TPO: variants seen among roughly 807,000 people sequenced by gnomAD.
TPO encodes thyroid peroxidase, also known as thyroid microsomal antigen.
Under a neutral mutation model 96.9 loss-of-function variants are expected in TPO, and 78 were observed. The ratio of observed to expected loss-of-function variants is 0.81; its 90% CI spans 0.67 to 0.97. The LOEUF is 0.97. Among genes scored for constraint, TPO ranks in the 50% least tolerant of loss-of-function variants. The pLI, the probability that TPO is intolerant of heterozygous loss-of-function variation, is 0.00. For missense variants in TPO, 1,252 were observed against 1,274.8 expected, an observed-to-expected ratio of 0.98 and a Z score of 0.27; for synonymous variants, 547 against 538.0, an observed-to-expected ratio of 1.02 and a Z score of -0.23.
chr2:1,525,408 T>C (rs1228726312), intron 15 of TPO, among the ~76,000 whole-genome samples: 14 of 70,972 alleles, frequency 2.0e-4, no homozygotes, highest in Non-Finnish European at 2.4e-4. Context: ...TGCAACTTCC[T>C]CAAATCCCCC....
chr2:1,485,503 C>T (rs1671073776), intron 9 of TPO, among the ~76,000 whole-genome samples: 2 of 151,956 alleles, frequency 1.3e-5, no homozygotes, highest in South Asian at 4.1e-4. Context: ...AATGGTTGAA[C>T]TACTTTACAG....
intron 7 of TPO, among the ~76,000 whole-genome samples, chr2:1,474,827 C>T (rs1201957725): frequency 6.6e-6 from 1 of 152,232 alleles, no homozygotes; most frequent in Non-Finnish European, 1.5e-5. Context: ...GTTTTCCACA[C>T]TGGGTTGTGA....
chr2:1,446,433 G>A (rs1253379923), intron 5 of TPO, among the ~76,000 whole-genome samples: 1 of 152,172 alleles, frequency 6.6e-6, no homozygotes, highest in Non-Finnish European at 1.5e-5. Flanking sequence ...CAGGAGCAAA[G>A]TGTAAGAGCC....
At chr2:1,452,941 T>C (rs1209491869) in intron 5 of TPO, among the ~76,000 whole-genome samples, 1 of 152,228 alleles carries the variant, frequency 6.6e-6, no homozygotes, top group East Asian at 1.9e-4. Context: ...TACCTTATCA[T>C]GCACTTCAAA....
chr2:1,399,113 T>G (rs1007013959), intron 1 of TPO, among the ~76,000 whole-genome samples: 1 of 152,220 alleles, frequency 6.6e-6, no homozygotes, highest in African/African-American at 2.4e-5. Context: ...CAGTTGTTTC[T>G]GCAGGACAGG....
chr2:1,542,607 C>G lies in TPO; in HGVS notation c.*133C>G. The G allele has an allele frequency of 6.4e-7, 1 of 1,554,482 alleles. No individual in the cohort carries two copies. The highest frequency in any genetic ancestry group is 2.4e-5 in the East Asian group (1 of 41,224). On this transcript the variant is annotated 3_prime_UTR_variant, in exon 17 of 17. Coordinates refer to ENST00000329066, the MANE Select transcript of TPO (RefSeq NM_001206744.2). ...AACACGGGTAAATCTAGTACCATGT[C>G]GTAGTTACTCTCAGGCATGGATGAA...
At chr2:1,376,013 C>G (rs150255114) in intron 1 of TPO, among the ~76,000 whole-genome samples, 1,641 of 152,338 alleles carry the variant, frequency 0.011, 13 homozygotes, top group South Asian at 0.019. Flanking sequence ...TGCAGCCCAG[C>G]TGCTGCAGGC....
chr2:1,493,000 G>C (rs1021180341), intron 10 of TPO, among the ~76,000 whole-genome samples: 1 of 152,144 alleles, frequency 6.6e-6, no homozygotes, highest in Non-Finnish European at 1.5e-5. Context: ...AGGGGCACGA[G>C]TGTCAGGCAA....
chr2:1,537,352 G>A (rs1158238614), intron 15 of TPO, among the ~76,000 whole-genome samples: 42 of 96,002 alleles, frequency 4.4e-4, no homozygotes, highest in Admixed American at 2.0e-3. Flanking sequence ...CACTCTGTTC[G>A]ACCTCCGCCT....
At chr2:1,421,433 C>T (rs1042175851) in intron 2 of TPO, among the ~76,000 whole-genome samples, 4 of 151,774 alleles carry the variant, frequency 2.6e-5, no homozygotes, top group South Asian at 2.1e-4. Flanking sequence ...AGTGAGCTGC[C>T]GCGTCACTCG....
intron 1 of TPO, among the ~76,000 whole-genome samples, chr2:1,403,959 G>T (rs143163181): frequency 1.3e-4 from 20 of 152,342 alleles, no homozygotes; most frequent in African/African-American, 4.3e-4. Context: ...GTCTGTTACT[G>T]CATTAACCAG....
intron 8 of TPO, chr2:1,477,931 C>A: frequency 1.0e-6 from 1 of 985,388 alleles, no homozygotes; most frequent in Non-Finnish European, 1.2e-6. Flanking sequence ...ACAACCACAG[C>A]CCCACAACAG....
At chr2:1,438,982 G>T in intron 5 of TPO, 1 of 620,330 alleles carries the variant, frequency 1.6e-6, no homozygotes, top group East Asian at 2.8e-5. Context: ...CTGCAGTAGA[G>T]CCTGAACCTT....
At chr2:1,461,953 C>T (rs1418074710) in intron 7 of TPO, among the ~76,000 whole-genome samples, 1 of 152,188 alleles carries the variant, frequency 6.6e-6, no homozygotes, top group Non-Finnish European at 1.5e-5. Flanking sequence ...TTCGGGGCTC[C>T]CTACTGGATC....
intron 1 of TPO, among the ~76,000 whole-genome samples, chr2:1,400,359 G>A (rs1662147868): frequency 2.0e-5 from 3 of 152,096 alleles, no homozygotes; most frequent in Admixed American, 2.0e-4. Context: ...TGGGCGTTCT[G>A]GCATGTGCCT....
chr2:1,420,395 G>A (rs1367645459), intron 2 of TPO, among the ~76,000 whole-genome samples: 3 of 152,174 alleles, frequency 2.0e-5, no homozygotes, highest in African/African-American at 7.2e-5. Flanking sequence ...ACTTTGCAGA[G>A]CCCTGAAGAG....
At chr2:1,399,257 A>T (rs557759213) in intron 1 of TPO, among the ~76,000 whole-genome samples, 2 of 152,214 alleles carry the variant, frequency 1.3e-5, no homozygotes, top group African/African-American at 2.4e-5. Context: ...GGGCATCATC[A>T]CCAGATTGCA....
intron 7 of TPO, among the ~76,000 whole-genome samples, chr2:1,475,581 G>A (rs762961528): frequency 5.9e-5 from 9 of 151,984 alleles, no homozygotes; most frequent in Non-Finnish European, 8.8e-5. Context: ...CCGCCACCGC[G>A]CCCGGCTAAT....
chr2:1,492,279 C>T (rs1445782507), intron 10 of TPO, among the ~76,000 whole-genome samples: 5 of 152,138 alleles, frequency 3.3e-5, no homozygotes, highest in African/African-American at 1.2e-4. Context: ...CCCAGCCTCC[C>T]GAGTAGCTGG....
Sources: gnomAD v4.1 joint callset for allele counts (sites outside exome capture counted in the v4.1 genomes callset) on GRCh38, gnomAD v4.1.1 for gene constraint, MANE v1.5 for transcripts, NCBI Gene and HGNC (gene_info 2026-07-23, HGNC 2026-07-21) for gene names.